The following ARHGEF10L variants were observed in gnomAD, a reference collection of about 807,000 sequenced individuals.
The protein encoded by ARHGEF10L is rho guanine nucleotide exchange factor 10-like protein.
A neutral mutation model predicts 141.2 loss-of-function variants in ARHGEF10L; 69 were observed. The observed-to-expected ratio is 0.49, with a 90% CI of 0.40 to 0.60. The LOEUF (loss-of-function observed/expected upper bound fraction) is 0.60, where lower values mean the gene tolerates loss of function less well. Ranked by LOEUF, ARHGEF10L falls within the 20% of genes least tolerant of loss-of-function variation. ARHGEF10L has a pLI of 0.00. For missense variants in ARHGEF10L, 1,482 were observed against 1,734.3 expected (o/e 0.85, Z 2.58); for synonymous variants, 711 against 718.5 (o/e 0.99, Z 0.17).
intron 1 of ARHGEF10L, among the ~76,000 whole-genome samples, chr1:17,547,643 T>G (rs930463334): frequency 1.3e-5 from 2 of 152,182 alleles, no homozygotes. Context: ...CTCCCGAAAT[T>G]GAAGAAAAAT....
chr1:17,613,074 C>G lies in ARHGEF10L; in HGVS notation c.626C>G (p.Thr209Ser), dbSNP rs1215688704. Residue 209 changes from threonine to serine, a missense_variant, in exon 8 of 29, where the codon ACT becomes AGT. Thr to Ser is a moderately conservative substitution (Grantham distance 58). This residue lies in a region of ARHGEF10L where 392 missense variants were observed against 542.1 expected (regional missense o/e 0.72). Coordinates refer to ENST00000361221, the MANE Select transcript of ARHGEF10L (RefSeq NM_018125.4). ...GGGCTCCAGCTTTCTCCAGACCTGA[C>G]TAGGCTAAAGGAGAGATACGCCAGG... Reference protein sequence around the residue: ...SFQPKLSPDLTRLKERYARTK... With the variant: ...SFQPKLSPDLSRLKERYARTK... The G allele has an allele frequency of 6.2e-7, 1 of 1,613,762 alleles. No homozygotes were observed. Among genetic ancestry groups the G allele is most frequent in the East Asian group, 2.2e-5 (1 of 44,884 alleles).
chr1:17,544,721 C>T (rs1036835507), intron 1 of ARHGEF10L, among the ~76,000 whole-genome samples: 10 of 151,838 alleles, frequency 6.6e-5, no homozygotes, highest in African/African-American at 2.4e-4. Flanking sequence ...TGTATTAGTT[C>T]TTTTTCATAC....
At chr1:17,520,906 A>T in the ARHGEF10L span, among the ~76,000 whole-genome samples, 86 of 152,270 alleles carry the variant, frequency 5.6e-4, no homozygotes, top group Non-Finnish European at 1.0e-3. Flanking sequence ...TGGTGCTGGA[A>T]CTGGGGTTGG....
chr1:17,626,090 C>A (rs780262718), intron 14 of ARHGEF10L, 42 bp downstream of exon 14: 151 of 1,592,426 alleles, frequency 9.5e-5, no homozygotes, highest in Non-Finnish European at 1.3e-4. Context: ...ACAGGGTTTG[C>A]CTGTGGGCTG....
In ARHGEF10L at chr1:17,588,480, G is replaced by GTT; in HGVS notation, c.257+2_257+3insTT. ...CAGCAGCTGCTCCACCCGGCACAGG[G>GTT]TAAGTGAACCTTGCTCCTTTGCTTT... On this transcript the variant is annotated splice_donor_variant, in intron 4 of 28. Transcript: ENST00000361221. LOFTEE classifies it high-confidence loss of function. 1 of 1,614,016 alleles carries GTT rather than the reference G, an allele frequency of 6.2e-7. No individual in the cohort carries two copies. Among genetic ancestry groups the GTT allele is most frequent in the Non-Finnish European group, 8.5e-7 (1 of 1,179,938 alleles).
chr1:17,691,108 C>T (rs1432172939), intron 27 of ARHGEF10L: 16 of 455,574 alleles, frequency 3.5e-5, no homozygotes, highest in Non-Finnish European at 4.9e-5. Context: ...ACTCCCTCCT[C>T]CTTTTAACCA....
At chr1:17,587,066 C>T (rs575182418) in intron 2 of ARHGEF10L, among the ~76,000 whole-genome samples, 1 of 152,330 alleles carries the variant, frequency 6.6e-6, no homozygotes, top group South Asian at 2.1e-4. Flanking sequence ...CATTTGCACA[C>T]ACAAAGCACA....
At chr1:17,581,983 A>G (rs908770050) in intron 2 of ARHGEF10L, among the ~76,000 whole-genome samples, 2 of 152,030 alleles carry the variant, frequency 1.3e-5, no homozygotes, top group Admixed American at 6.6e-5. Context: ...TTTTCTCACA[A>G]GGACCGGGTC....
intron 7 of ARHGEF10L, among the ~76,000 whole-genome samples, chr1:17,610,562 T>C (rs1276857874): frequency 6.6e-6 from 1 of 152,226 alleles, no homozygotes; most frequent in African/African-American, 2.4e-5. Flanking sequence ...TGCCAGGGAC[T>C]CTACTGAGCC....
Position 17,603,461 on chromosome 1 carries a change from G to T in ARHGEF10L, c.350-47G>T, listed in dbSNP as rs1289139273. 1 of 1,548,728 alleles carries T rather than the reference G, an allele frequency of 6.5e-7. No homozygotes were observed. Among genetic ancestry groups the T allele is most frequent in the South Asian group, 1.2e-5 (1 of 86,132 alleles). On this transcript the variant is annotated intron_variant, in intron 5 of 28. Transcript: ENST00000361221. The surrounding 1 kb of genome is among the most constrained non-coding windows in gnomAD (Gnocchi z 4.8). ...TGTCATCTGCAGCACCTCTGGCCAG[G>T]CTGCCACAGCCCACGGTGGTGCTCT... is the stretch of plus-strand genomic sequence containing the variant.
chr1:17,540,891 G>C (rs988068358), intron 1 of ARHGEF10L, among the ~76,000 whole-genome samples: 1 of 152,168 alleles, frequency 6.6e-6, no homozygotes. Context: ...CAGGTTGTGC[G>C]GGCTCATTAG....
At chr1:17,653,839 A>G (rs1049792388) in intron 22 of ARHGEF10L, among the ~76,000 whole-genome samples, 19 of 152,368 alleles carry the variant, frequency 1.2e-4, no homozygotes, top group Middle Eastern at 3.4e-3. Flanking sequence ...CTGCGCAATG[A>G]GGAGGCTGGA....
Position 17,618,488 on chromosome 1 carries a change from TCC to T in ARHGEF10L, c.836-849_836-848del. On this transcript the variant is annotated intron_variant, in intron 9 of 28. Coordinates refer to ENST00000361221, the MANE Select transcript of ARHGEF10L (RefSeq NM_018125.4). ...CCCACCCCCACGCCGTCATCCGCTG[TCC>T]CTCCTCCTCCTCCTCCTCTGTCTCC... 7 of 1,461,040 alleles carry T rather than the reference TCC, an allele frequency of 4.8e-6. No individual in the cohort carries two copies. In the South Asian group the frequency reaches 9.8e-5, roughly 21 times the overall value. 90.5% of individuals were successfully genotyped at this position (1,461,040 alleles called of 1,614,324 possible).
rs759131686 is a variant in ARHGEF10L, at chr1:17,697,213, C to T, written c.3673C>T (p.Pro1225Ser). 3.1e-6 allele frequency: 5 copies of T among 1,611,970 alleles called. No homozygotes were observed. The African/African-American group carries it at 6.7e-5, about 22-fold the overall frequency. Residue 1225 changes from proline to serine, a missense_variant, in exon 29 of 29, where the codon CCC becomes TCC. This residue lies in a region of ARHGEF10L where 858 missense variants were observed against 966.3 expected (regional missense o/e 0.89). Transcript: ENST00000361221. The surrounding 1 kb of genome is among the most constrained non-coding windows in gnomAD (Gnocchi z 4.8). ...DDPDIWVRSR[P>S]CARDAHRKEI... ...CCCCGACATCTGGGTGCGCAGCCGG[C>T]CCTGCGCCCGCGACGCCCACCGCAA...
chr1:17,557,033 T>TAA (rs370811589), intron 1 of ARHGEF10L, among the ~76,000 whole-genome samples: 19 of 119,070 alleles, frequency 1.6e-4, no homozygotes, highest in East Asian at 4.8e-4. Context: ...CTCCATCTCT[T>TAA]AAAAAAAAAA....
the ARHGEF10L span, among the ~76,000 whole-genome samples, chr1:17,530,818 C>T: frequency 6.6e-6 from 1 of 151,826 alleles, no homozygotes; most frequent in African/African-American, 2.4e-5. Flanking sequence ...AGTTCGAAAC[C>T]AGCCTGGCCA....
intron 4 of ARHGEF10L, among the ~76,000 whole-genome samples, chr1:17,592,286 C>T (rs766487686): frequency 1.3e-5 from 2 of 152,110 alleles, no homozygotes; most frequent in East Asian, 1.9e-4. Flanking sequence ...TTGCCTTTAT[C>T]CCCCTGTGAC....
At chr1:17,543,924 AG>A (rs1302261366) in intron 1 of ARHGEF10L, among the ~76,000 whole-genome samples, 1 of 151,390 alleles carries the variant, frequency 6.6e-6, no homozygotes, top group Non-Finnish European at 1.5e-5. Flanking sequence ...CTGGGATTAC[AG>A]GCATGAGCCA....
At chr1:17,646,149 A>G (rs2061586629) in intron 21 of ARHGEF10L, among the ~76,000 whole-genome samples, 1 of 152,228 alleles carries the variant, frequency 6.6e-6, no homozygotes, top group Non-Finnish European at 1.5e-5. Context: ...CACATCATCA[A>G]GCCTGACATT....
Sources: allele counts gnomAD v4.1 joint callset (sites outside exome capture counted in the v4.1 genomes callset), GRCh38; gene constraint gnomAD v4.1.1; regional missense constraint gnomAD v4.1.1; non-coding constraint Gnocchi (gnomAD v3.1); transcripts MANE v1.5; gene names NCBI Gene and HGNC (gene_info 2026-07-23, HGNC 2026-07-21).